Variants in TAAR5 observed in about 807,000 individuals in gnomAD.
The protein encoded by TAAR5 is trace amine-associated receptor 5.
TAAR5 carries 27 observed loss-of-function variants against 21.1 expected under a neutral mutation model. The observed-to-expected ratio is 1.28, with a 90% confidence interval of 0.94 to 1.76. The LOEUF is 1.76. Ranked by LOEUF, TAAR5 falls within the 40% of genes most tolerant of loss-of-function variation. The probability of loss-of-function intolerance (pLI) is 0.00; values close to 1 mark genes in which losing one functional copy is unlikely to be tolerated. For synonymous variants in TAAR5, 203 were observed against 167.5 expected (o/e 1.21, Z -1.64); for missense variants, 495 against 405.6 (o/e 1.22, Z -1.89).
At chr6:132,601,299 A>T in the TAAR5 span, among the ~76,000 whole-genome samples, 1 of 152,246 alleles carries the variant, frequency 6.6e-6, no homozygotes, top group Non-Finnish European at 1.5e-5. Flanking sequence ...AATTCAAATG[A>T]TTCAAATCAG....
upstream of TAAR5, among the ~76,000 whole-genome samples, chr6:132,591,413 G>A (rs547461203): frequency 6.6e-6 from 1 of 152,258 alleles, no homozygotes; most frequent in South Asian, 2.1e-4. Context: ...TCAAAAAGAA[G>A]GAAGGAGGTT....
the TAAR5 span, among the ~76,000 whole-genome samples, chr6:132,603,500 A>AC: frequency 6.6e-6 from 1 of 151,816 alleles, no homozygotes; most frequent in South Asian, 2.1e-4. Context: ...CTCTCAAAAA[A>AC]AAAAAAAAGA....
upstream of TAAR5, among the ~76,000 whole-genome samples, chr6:132,592,769 T>A (rs1364589510): frequency 6.6e-6 from 1 of 152,194 alleles, no homozygotes. Flanking sequence ...CAGCCATTCT[T>A]CCTGTACAGC....
At chr6:132,599,454 G>C in the TAAR5 span, among the ~76,000 whole-genome samples, 1 of 149,290 alleles carries the variant, frequency 6.7e-6, no homozygotes, top group Non-Finnish European at 1.5e-5. Flanking sequence ...TCAGCCTCCC[G>C]AGTAGCTGGG....
At chr6:132,601,091 G>GGGAGGGAA in the TAAR5 span, among the ~76,000 whole-genome samples, 1 of 23,678 alleles carries the variant, frequency 4.2e-5, no homozygotes, top group African/African-American at 3.2e-4. Flanking sequence ...GAAGGAAGGA[G>GGGAGGGAA]GGAGGGAAGG....
chr6:132,594,688 C>CA, upstream of TAAR5: 1 of 150,646 alleles, frequency 6.6e-6, no homozygotes, highest in South Asian at 2.1e-4. Context: ...TAGAGGATGC[C>CA]TTTTTTTTTG....
chr6:132,607,523 A>G, the TAAR5 span, among the ~76,000 whole-genome samples: 24 of 152,170 alleles, frequency 1.6e-4, no homozygotes, highest in Admixed American at 6.5e-5. Flanking sequence ...AACAAGCACA[A>G]GGAGAGGCCT....
the TAAR5 span, among the ~76,000 whole-genome samples, chr6:132,604,170 A>C: frequency 7.4e-6 from 1 of 135,982 alleles, no homozygotes; most frequent in Non-Finnish European, 1.5e-5. Flanking sequence ...TTTGAGACAG[A>C]GTCTCTCTCA....
At chr6:132,614,046 G>C in the TAAR5 span, among the ~76,000 whole-genome samples, 20 of 152,174 alleles carry the variant, frequency 1.3e-4, no homozygotes, top group Non-Finnish European at 2.1e-4. Context: ...AGGAAGATAT[G>C]AGCTATTAGT....
chr6:132,611,245 G>A, the TAAR5 span, among the ~76,000 whole-genome samples: 4 of 151,528 alleles, frequency 2.6e-5, no homozygotes, highest in African/African-American at 9.7e-5. Flanking sequence ...AACTCATGGA[G>A]ATAGGGAGCA....
At chr6:132,599,161 G>A in the TAAR5 span, among the ~76,000 whole-genome samples, 12 of 152,072 alleles carry the variant, frequency 7.9e-5, 1 homozygote, top group South Asian at 2.3e-3. Context: ...TCACCACCAC[G>A]GTATTTTCAC....
the TAAR5 span, among the ~76,000 whole-genome samples, chr6:132,600,439 A>G: frequency 6.6e-6 from 1 of 152,080 alleles, no homozygotes; most frequent in Admixed American, 6.6e-5. Flanking sequence ...TGCTCTCCCA[A>G]CCTGACAGCT....
the TAAR5 span, among the ~76,000 whole-genome samples, chr6:132,609,882 G>T: frequency 2.0e-4 from 30 of 152,160 alleles, no homozygotes; most frequent in Non-Finnish European, 1.8e-4. Context: ...GTACCTATGG[G>T]TTAAAACATG....
the TAAR5 span, among the ~76,000 whole-genome samples, chr6:132,596,713 C>A: frequency 6.6e-6 from 1 of 151,704 alleles, no homozygotes; most frequent in Non-Finnish European, 1.5e-5. Context: ...CTTGAAACAC[C>A]AAGCCATAGG....
the TAAR5 span, among the ~76,000 whole-genome samples, chr6:132,606,512 C>T: frequency 6.6e-6 from 1 of 152,072 alleles, no homozygotes; most frequent in Admixed American, 6.6e-5. Flanking sequence ...CCTTAATGTC[C>T]CTTCCTAGAT....
the TAAR5 span, among the ~76,000 whole-genome samples, chr6:132,604,419 A>T: frequency 6.6e-6 from 1 of 152,122 alleles, no homozygotes; most frequent in South Asian, 2.1e-4. Context: ...CTGCGATTAC[A>T]GGCATGCGTC....
rs755043659 is a variant in TAAR5 at position 132,589,200 on chromosome 6, C to T, written c.487G>A (p.Ala163Thr). The T allele has an allele frequency of 1.0e-5, 16 of 1,604,744 alleles. No homozygotes were observed. The highest frequency in any genetic ancestry group is 2.2e-5 in the East Asian group (1 of 44,824). Residue 163 changes from alanine to threonine, a missense_variant, in exon 1 of 1, where the codon GCA becomes ACA. Ala to Thr is a moderately conservative substitution (Grantham distance 58, BLOSUM62 0). Coordinates refer to ENST00000258034, the MANE Select transcript of TAAR5 (RefSeq NM_003967.3). The stretch of plus-strand genomic sequence containing the variant: ...TAGAGGAATAACGAAGTGTATGCTG[C>T]GGGCACCCCCCATCCTGCCAGGATG... ...RYILAGWGVP[A>T]AYTSLFLYTD...
chr6:132,608,937 G>A, the TAAR5 span: 2 of 455,950 alleles, frequency 4.4e-6, no homozygotes, highest in Admixed American at 2.4e-5. Flanking sequence ...AGGTCAGTCT[G>A]AGCATCATGT....
upstream of TAAR5, among the ~76,000 whole-genome samples, chr6:132,591,821 T>A (rs1286434196): frequency 6.6e-6 from 1 of 152,254 alleles, no homozygotes; most frequent in African/African-American, 2.4e-5. Flanking sequence ...GTATGATCTC[T>A]ATGTCTCAGA....
Sources: allele counts gnomAD v4.1 joint callset (sites outside exome capture counted in the v4.1 genomes callset), GRCh38; gene constraint gnomAD v4.1.1; transcripts MANE v1.5; gene names NCBI Gene and HGNC (gene_info 2026-07-23, HGNC 2026-07-21).